SYNRG: variants seen among roughly 807,000 people sequenced by gnomAD.
The protein encoded by SYNRG is AP1 gamma subunit binding protein 1.
Under a neutral mutation model 130.9 loss-of-function variants are expected in SYNRG, and 37 were observed. The observed-to-expected ratio is 0.28, with a 90% CI of 0.22 to 0.37. The LOEUF is 0.37. SYNRG is among the 10% of genes least tolerant of loss of function. The pLI is 1.00. For synonymous variants in SYNRG, 539 were observed against 568.1 expected, an observed-to-expected ratio of 0.95 and a Z score of 0.73; for missense variants, 1,338 against 1,588.9, an observed-to-expected ratio of 0.84 and a Z score of 2.68.
intron 1 of SYNRG, among the ~76,000 whole-genome samples, chr17:37,604,929 G>A (rs998519046): frequency 2.6e-5 from 4 of 152,132 alleles, no homozygotes; most frequent in South Asian, 2.1e-4. Context: ...TATCAATTAC[G>A]TTTGCTGTCT....
chr17:37,538,809 G>A (rs1343001787), intron 17 of SYNRG, among the ~76,000 whole-genome samples: 3 of 152,186 alleles, frequency 2.0e-5, no homozygotes, highest in East Asian at 1.9e-4. Context: ...TGGTCAGGCT[G>A]GTCTCAAACT....
chr17:37,579,558 T>C, intron 6 of SYNRG: 1 of 686,404 alleles, frequency 1.5e-6, no homozygotes, highest in Non-Finnish European at 2.1e-6. Flanking sequence ...GAACAAGAAA[T>C]AACAAGTAAC....
At chr17:37,566,337 C>G (rs559324898) in intron 11 of SYNRG, among the ~76,000 whole-genome samples, 2,027 of 146,588 alleles carry the variant, frequency 0.014, 49 homozygotes, top group African/African-American at 0.047. Context: ...GACCTTACCC[C>G]CAACCCTGTG....
chr17:37,555,503 A>T (rs1316808210), intron 13 of SYNRG, among the ~76,000 whole-genome samples: 3 of 152,252 alleles, frequency 2.0e-5, no homozygotes, highest in Non-Finnish European at 4.4e-5. Context: ...GTACAGCATC[A>T]GGATACAGAT....
chr17:37,542,352 A>G lies in SYNRG; in HGVS notation c.2822T>C (p.Met941Thr), dbSNP rs554455542. 6.2e-7 allele frequency: 1 copy of G among 1,614,212 alleles called. No individual in the cohort carries two copies. Among genetic ancestry groups the G allele is most frequent in the South Asian group, 1.1e-5 (1 of 91,090 alleles). ...GGTCGTTACTTTGGAGAGAGATGTCATGGTGATGTTTTCAGAACTGCCAAA... is the reference window on the plus strand; with the variant it reads ...GGTCGTTACTTTGGAGAGAGATGTCGTGGTGATGTTTTCAGAACTGCCAAA... ...TSFGSSENITMTSLSKVTTFV... is the reference protein window; with the variant it reads ...TSFGSSENITTTSLSKVTTFV... The change falls in exon 15 of 22, where the codon ATG becomes ACG. Residue 941 changes from methionine to threonine, a missense_variant. Coordinates refer to ENST00000612223, the MANE Select transcript of SYNRG (RefSeq NM_007247.6).
chr17:37,525,379 GT>G (rs906716247), intron 19 of SYNRG, among the ~76,000 whole-genome samples: 2 of 152,186 alleles, frequency 1.3e-5, no homozygotes, highest in African/African-American at 4.8e-5. Context: ...CTACAATGGT[GT>G]CCAGGAAGAT....
Position 37,572,010 on chromosome 17 carries a change from AC to A in SYNRG, c.902-24del, listed in dbSNP as rs757548059. 3.8e-6 allele frequency: 6 copies of A among 1,571,936 alleles called. No homozygotes were observed. The African/African-American group carries it at 8.2e-5, about 21-fold the overall frequency. ...CATCTATTAAAGGAAAGACCAGATT[AC>A]AAATGGAAACACATTCCAAGTGATT... On this transcript the variant is annotated intron_variant, in intron 8 of 21. Coordinates refer to ENST00000612223, the MANE Select transcript of SYNRG (RefSeq NM_007247.6).
chr17:37,561,797 T>C (rs1029710330), intron 11 of SYNRG, among the ~76,000 whole-genome samples: 1 of 151,434 alleles, frequency 6.6e-6, no homozygotes, highest in African/African-American at 2.4e-5. Flanking sequence ...ACAAAAAACA[T>C]TACCCAAACA....
At chr17:37,520,738 A>G (rs1444470754) in intron 19 of SYNRG, 90 bp from the exon 20 acceptor site, 1 of 1,032,698 alleles carries the variant, frequency 9.7e-7, no homozygotes, top group African/African-American at 1.6e-5. Context: ...CAGCAGGCCT[A>G]GCGGCAAGTA....
intron 1 of SYNRG, among the ~76,000 whole-genome samples, chr17:37,602,935 C>T (rs1019155725): frequency 2.0e-5 from 3 of 151,886 alleles, no homozygotes; most frequent in Non-Finnish European, 2.9e-5. Context: ...GAGACATGAG[C>T]ATTGCTTGAA....
intron 10 of SYNRG, among the ~76,000 whole-genome samples, chr17:37,569,409 G>GAAA (rs530693398): frequency 1.3e-4 from 8 of 59,398 alleles, no homozygotes; most frequent in South Asian, 5.8e-4. Context: ...GACTCTGGCT[G>GAAA]AAAAAAAAAA....
intron 14 of SYNRG, among the ~76,000 whole-genome samples, chr17:37,547,462 GCTTT>G (rs1392000899): frequency 2.0e-5 from 3 of 146,506 alleles, no homozygotes; most frequent in Non-Finnish European, 4.5e-5. Flanking sequence ...TTCATTTGCT[GCTTT>G]TTTTTTTTTT....
At chr17:37,556,423 C>A (rs757948755) in intron 13 of SYNRG, among the ~76,000 whole-genome samples, 2 of 151,208 alleles carry the variant, frequency 1.3e-5, no homozygotes, top group Non-Finnish European at 2.9e-5. Flanking sequence ...TGCACTCCAG[C>A]CTGGGCAACA....
At chr17:37,531,404 T>G (rs2056618537) in intron 19 of SYNRG, among the ~76,000 whole-genome samples, 1 of 152,154 alleles carries the variant, frequency 6.6e-6, no homozygotes, top group Admixed American at 6.5e-5. Context: ...TAAAAACACT[T>G]GTTTTTCCAT....
At chr17:37,576,142 A>C (rs1225962979) in intron 8 of SYNRG, among the ~76,000 whole-genome samples, 199 bp downstream of exon 8, 1 of 152,188 alleles carries the variant, frequency 6.6e-6, no homozygotes, top group East Asian at 1.9e-4. Flanking sequence ...ATTCTCCTCT[A>C]TTTATATAGT....
chr17:37,569,070 G>T, intron 10 of SYNRG, 146 bp from the exon 11 acceptor site: 1 of 836,934 alleles, frequency 1.2e-6, no homozygotes, highest in Non-Finnish European at 1.8e-6. Flanking sequence ...ATCCTGTTTT[G>T]TATTTTTAAA....
At chr17:37,525,234 T>C (rs961363569) in intron 19 of SYNRG, among the ~76,000 whole-genome samples, 1 of 152,208 alleles carries the variant, frequency 6.6e-6, no homozygotes, top group Admixed American at 6.5e-5. Context: ...ATCATCTCCT[T>C]ATTTGGCAAG....
intron 2 of SYNRG, among the ~76,000 whole-genome samples, chr17:37,597,648 CTA>C (rs1279662519): frequency 1.3e-5 from 2 of 152,222 alleles, no homozygotes; most frequent in East Asian, 3.8e-4. Flanking sequence ...TGGCAGAAAA[CTA>C]TCACGAATGT....
chr17:37,532,456 T>G (rs1374450373), intron 19 of SYNRG, among the ~76,000 whole-genome samples: 1 of 152,150 alleles, frequency 6.6e-6, no homozygotes, highest in Admixed American at 6.5e-5. Flanking sequence ...GTGAATTACT[T>G]GAGGCCAGGA....
Sources: gnomAD v4.1 joint callset for allele counts (sites outside exome capture counted in the v4.1 genomes callset) on GRCh38, gnomAD v4.1.1 for gene constraint, MANE v1.5 for transcripts, NCBI Gene and HGNC (gene_info 2026-07-23, HGNC 2026-07-21) for gene names.